Variants in RBM6 observed in about 807,000 individuals in gnomAD.
RBM6 encodes the protein RNA-binding protein 6.
A neutral mutation model predicts 140.4 loss-of-function variants in RBM6; 23 were observed. The ratio of observed to expected loss-of-function variants is 0.16; its 90% CI spans 0.12 to 0.23. The LOEUF is 0.23. Ranked by LOEUF, RBM6 falls within the 10% of genes least tolerant of loss-of-function variation. The pLI, the probability that RBM6 is intolerant of heterozygous loss-of-function variation, is 1.00. For missense variants in RBM6, 1,139 were observed against 1,386.7 expected (o/e 0.82, Z 2.84); for synonymous variants, 439 against 475.6 (o/e 0.92, Z 1.00).
chr3:49,973,341 G>C (rs1025088186), intron 4 of RBM6, among the ~76,000 whole-genome samples: 1 of 151,938 alleles, frequency 6.6e-6, no homozygotes, highest in Non-Finnish European at 1.5e-5. Flanking sequence ...AGAGGCATTC[G>C]AGCCCAGGCT....
intron 6 of RBM6, among the ~76,000 whole-genome samples, chr3:50,046,148 G>A (rs996895078): frequency 1.3e-5 from 2 of 151,834 alleles, no homozygotes; most frequent in African/African-American, 4.8e-5. Flanking sequence ...AGGCATGGTG[G>A]TGTGCGCCTG....
chr3:50,077,069 C>A lies in RBM6; in HGVS notation c.3308C>A (p.Ser1103Tyr). The A allele has an allele frequency of 1.2e-6, 2 of 1,613,240 alleles. No homozygotes were observed. Among genetic ancestry groups the A allele is most frequent in the South Asian group, 2.2e-5 (2 of 90,996 alleles). The change falls in exon 21 of 21, where the codon TCC becomes TAC. Residue 1103 changes from serine to tyrosine, a missense_variant. Physicochemically the swap from Ser to Tyr is moderately radical, Grantham distance 144 (BLOSUM62 -2). Around this residue, in one of 9 missense-constraint regions of RBM6, gnomAD observed 125 missense variants for 142.0 expected, o/e 0.88. Transcript: ENST00000266022. ...TCAGGAAGAACCAGCAAAAGACAGT[C>A]CAACGAGACTTACCGAGATGCTGTT... ...GASGRTSKRQ[S>Y]NETYRDAVRR...
At chr3:50,015,111 C>CT (rs1420190683) in intron 6 of RBM6, among the ~76,000 whole-genome samples, 2 of 134,096 alleles carry the variant, frequency 1.5e-5, no homozygotes, top group African/African-American at 5.4e-5. Context: ...TTCTTTTTTA[C>CT]TTTTTTTTCT....
intron 1 of RBM6, among the ~76,000 whole-genome samples, chr3:49,941,302 A>G (rs2083270560): frequency 1.3e-5 from 2 of 152,120 alleles, no homozygotes; most frequent in Admixed American, 6.6e-5. Context: ...ATCTAACTAG[A>G]TACCTAACCT....
intron 19 of RBM6, among the ~76,000 whole-genome samples, chr3:50,073,521 C>T (rs1187478314): frequency 1.3e-5 from 2 of 152,228 alleles, no homozygotes; most frequent in East Asian, 1.9e-4. Context: ...AGTTTCACCT[C>T]TCAATACTGT....
intron 6 of RBM6, among the ~76,000 whole-genome samples, chr3:50,001,329 G>A (rs139054127): frequency 3.9e-5 from 6 of 152,178 alleles, no homozygotes; most frequent in Admixed American, 6.6e-5. Context: ...AATTAGCCAA[G>A]TGTGGTGGCT....
intron 5 of RBM6, among the ~76,000 whole-genome samples, chr3:49,995,621 A>C (rs1253352107): frequency 6.6e-6 from 1 of 152,160 alleles, no homozygotes; most frequent in South Asian, 2.1e-4. Context: ...AATTTAGTTA[A>C]CTGTGTTTTG....
chr3:50,023,913 G>T (rs907056677), intron 6 of RBM6, among the ~76,000 whole-genome samples: 6 of 152,050 alleles, frequency 3.9e-5, no homozygotes, highest in Non-Finnish European at 7.4e-5. Context: ...CTCCCAAAGT[G>T]CTGGGATTAC....
chr3:49,961,133 A>C (rs1410197257), intron 1 of RBM6, among the ~76,000 whole-genome samples: 4 of 152,072 alleles, frequency 2.6e-5, no homozygotes, highest in African/African-American at 9.7e-5. Flanking sequence ...GCTGGAGTGC[A>C]GTGGCATGAT....
chr3:50,018,333 C>G (rs562058506), intron 6 of RBM6, among the ~76,000 whole-genome samples: 23 of 152,280 alleles, frequency 1.5e-4, no homozygotes, highest in African/African-American at 5.5e-4. Context: ...TATGTAGTCT[C>G]ATTCCTCTAT....
intron 5 of RBM6, among the ~76,000 whole-genome samples, chr3:49,998,235 A>G (rs1443337897): frequency 6.6e-6 from 1 of 152,246 alleles, no homozygotes; most frequent in Non-Finnish European, 1.5e-5. Flanking sequence ...TTTTAAACTT[A>G]TACTTTCTAT....
At chr3:50,051,870 T>G (rs2089481539) in intron 7 of RBM6, among the ~76,000 whole-genome samples, 1 of 152,130 alleles carries the variant, frequency 6.6e-6, no homozygotes, top group Admixed American at 6.5e-5. Flanking sequence ...AGATGAACCT[T>G]GAAAATACTA....
chr3:50,070,186 C>T (rs2090255281), intron 18 of RBM6, among the ~76,000 whole-genome samples: 1 of 152,062 alleles, frequency 6.6e-6, no homozygotes, highest in Non-Finnish European at 1.5e-5. Context: ...GAAACCCCGT[C>T]TCTACTAAAA....
intron 4 of RBM6, among the ~76,000 whole-genome samples, chr3:49,974,373 A>ATT (rs762062224): frequency 3.6e-5 from 5 of 139,678 alleles, no homozygotes; most frequent in Admixed American, 2.2e-4. Context: ...CTCCTGGCTA[A>ATT]TTTTTTTTTT....
At chr3:50,050,913 T>C (rs1443599518) in intron 7 of RBM6, among the ~76,000 whole-genome samples, 1 of 152,222 alleles carries the variant, frequency 6.6e-6, no homozygotes, top group Non-Finnish European at 1.5e-5. Context: ...TTGATTTGCA[T>C]GTATTTTTGT....
At chr3:50,030,965 G>A (rs1309825017) in intron 6 of RBM6, among the ~76,000 whole-genome samples, 1 of 152,184 alleles carries the variant, frequency 6.6e-6, no homozygotes, top group Non-Finnish European at 1.5e-5. Context: ...TATAAAAAAG[G>A]TAGAATGAGT....
intron 6 of RBM6, among the ~76,000 whole-genome samples, chr3:50,038,409 G>A (rs2088671778): frequency 1.3e-5 from 2 of 152,094 alleles, no homozygotes; most frequent in Non-Finnish European, 2.9e-5. Flanking sequence ...TTTCTCTATA[G>A]TGATTCAGTT....
Position 50,058,750 on chromosome 3 carries a change from T to TA in RBM6, c.2130+194dup, listed in dbSNP as rs556082792. 155 of 441,562 alleles carry TA rather than the reference T, an allele frequency of 3.5e-4. 1 individual carries two copies. The highest frequency in any genetic ancestry group is 2.7e-3 in the African/African-American group (139 of 50,772). 27.4% of individuals were successfully genotyped at this position (441,562 alleles called of 1,614,324 possible). Reference sequence around the variant, plus strand: ...TAACACGGTGAAACCCTGTCTCTACTAAAAAATACAGAAAAATTAGCTGGG... The same window carrying TA: ...TAACACGGTGAAACCCTGTCTCTACTAAAAAAATACAGAAAAATTAGCTGGG... On this transcript the variant is annotated intron_variant, in intron 10 of 20. Transcript: ENST00000266022.
chr3:49,962,903 C>T (rs2084345911), intron 2 of RBM6: 2 of 378,826 alleles, frequency 5.3e-6, no homozygotes, highest in South Asian at 8.0e-5. Context: ...CGAGACCATC[C>T]TGGCTATCAC....
Sources: gnomAD v4.1 joint callset for allele counts (sites outside exome capture counted in the v4.1 genomes callset) on GRCh38, gnomAD v4.1.1 for gene constraint, gnomAD v4.1.1 regional missense constraint, MANE v1.5 for transcripts, NCBI Gene and HGNC (gene_info 2026-07-23, HGNC 2026-07-21) for gene names.